CPS1: variants seen among roughly 807,000 people sequenced by gnomAD.
CPS1 encodes the protein carbamoyl-phosphate synthase [ammonia], mitochondrial.
A neutral mutation model predicts 174.6 loss-of-function variants in CPS1; 109 were observed. The ratio of observed to expected loss-of-function variants is 0.62; its 90% CI spans 0.53 to 0.73. The LOEUF is 0.73. Ranked by LOEUF, CPS1 falls within the 30% of genes least tolerant of loss-of-function variation. The pLI is 0.00. For synonymous variants in CPS1, 637 were observed against 632.0 expected (o/e 1.01, Z -0.12); for missense variants, 1,689 against 1,821.9 (o/e 0.93, Z 1.33).
intron 21 of CPS1, among the ~76,000 whole-genome samples, chr2:210,622,519 T>A (rs1422423976): frequency 6.6e-6 from 1 of 151,650 alleles, no homozygotes; most frequent in African/African-American, 2.4e-5. Context: ...CAGTAGCCAA[T>A]AAAGGGGTGA....
intron 21 of CPS1, among the ~76,000 whole-genome samples, chr2:210,636,265 C>T (rs1305449613): frequency 6.6e-6 from 1 of 151,952 alleles, no homozygotes; most frequent in Non-Finnish European, 1.5e-5. Context: ...TTTTTGCATG[C>T]ATTTTGAAAT....
intron 1 of CPS1, among the ~76,000 whole-genome samples, chr2:210,495,691 A>G (rs1694975875): frequency 6.6e-6 from 1 of 152,180 alleles, no homozygotes; most frequent in East Asian, 1.9e-4. Context: ...TACTCTGGAG[A>G]ATATTCTTTT....
chr2:210,554,048 C>A (rs1355491271), upstream of CPS1, among the ~76,000 whole-genome samples: 1 of 149,324 alleles, frequency 6.7e-6, no homozygotes, highest in Non-Finnish European at 1.5e-5. Context: ...TGACTAAAGA[C>A]ATGGACCATA....
chr2:210,507,221 T>C (rs1338943054), intron 1 of CPS1, among the ~76,000 whole-genome samples: 1 of 152,214 alleles, frequency 6.6e-6, no homozygotes. Flanking sequence ...GGGGCCAATA[T>C]TCAACATTCT....
intron 34 of CPS1, chr2:210,673,792 A>G (rs1235112347): frequency 6.6e-6 from 1 of 152,216 alleles, no homozygotes; most frequent in Non-Finnish European, 1.5e-5. Context: ...ATACTAATGT[A>G]AGAACTGTTA....
At chr2:210,543,221 T>A (rs547516962) in intron 1 of CPS1, among the ~76,000 whole-genome samples, 1 of 152,170 alleles carries the variant, frequency 6.6e-6, no homozygotes, top group Non-Finnish European at 1.5e-5. Context: ...ATACAGCAAT[T>A]AATCTATTTC....
chr2:210,527,541 T>C (rs1696006538), intron 1 of CPS1, among the ~76,000 whole-genome samples: 1 of 151,948 alleles, frequency 6.6e-6, no homozygotes, highest in Non-Finnish European at 1.5e-5. Context: ...CCTGGGGCCA[T>C]CTTTCAGGTC....
At chr2:210,614,917 G>T (rs1270795080) in intron 20 of CPS1, among the ~76,000 whole-genome samples, 4 of 151,918 alleles carry the variant, frequency 2.6e-5, no homozygotes, top group African/African-American at 9.6e-5. Flanking sequence ...ATAGCACTAG[G>T]AGAAATACCT....
At chr2:210,491,449 G>A (rs952757956) in intron 1 of CPS1, among the ~76,000 whole-genome samples, 2 of 150,382 alleles carry the variant, frequency 1.3e-5, no homozygotes, top group Non-Finnish European at 3.0e-5. Flanking sequence ...AAGTAGCTGG[G>A]ACTACAGGCA....
intron 1 of CPS1, among the ~76,000 whole-genome samples, chr2:210,567,425 T>A (rs530382725): frequency 4.9e-4 from 75 of 152,206 alleles, no homozygotes; most frequent in Non-Finnish European, 9.0e-4. Flanking sequence ...TATAGAAATG[T>A]AATATTGTAA....
At position 210,610,285 on chromosome 2, in the gene CPS1, G is replaced by A. The variant is rs186103541; in HGVS notation, c.2391+1726G>A. Among the ~76,000 whole-genome samples the A allele has an allele frequency of 1.8e-3, 278 of 151,940 alleles. 1 individual carries two copies. Among genetic ancestry groups the A allele is most frequent in the Non-Finnish European group, 2.7e-3 (180 of 67,894 alleles). On this transcript the variant is annotated intron_variant, in intron 19 of 37. Transcript: ENST00000233072. Reference sequence around the variant, plus strand: ...TTTTCATTTGGGGCTTCTTATCTGAGGGATTTTGTTGTCAAACAAAAAATA... The same window carrying A: ...TTTTCATTTGGGGCTTCTTATCTGAAGGATTTTGTTGTCAAACAAAAAATA...
chr2:210,664,887 C>A (rs1321032665), intron 33 of CPS1, among the ~76,000 whole-genome samples: 2 of 152,118 alleles, frequency 1.3e-5, no homozygotes, highest in Non-Finnish European at 2.9e-5. Context: ...AATTATGCTT[C>A]AAAGAGACAT....
At chr2:210,563,257 A>G (rs1349444959) in intron 1 of CPS1, among the ~76,000 whole-genome samples, 4 of 152,150 alleles carry the variant, frequency 2.6e-5, no homozygotes, top group African/African-American at 9.6e-5. Context: ...ACTGAATGTT[A>G]TGGCAATACG....
intron 1 of CPS1, among the ~76,000 whole-genome samples, chr2:210,526,209 A>G (rs1488996201): frequency 6.6e-6 from 1 of 151,868 alleles, no homozygotes; most frequent in Non-Finnish European, 1.5e-5. Flanking sequence ...AGGGAGGGGA[A>G]CATCTCACAA....
chr2:210,660,381 G>A, intron 31 of CPS1, 104 bp from the exon 32 acceptor site: 1 of 1,135,158 alleles, frequency 8.8e-7, no homozygotes, highest in Non-Finnish European at 1.3e-6. Flanking sequence ...ACAAGAGCTG[G>A]TCCCCAGTTA....
chr2:210,640,887 T>G (rs996920138), intron 24 of CPS1, among the ~76,000 whole-genome samples: 5 of 152,200 alleles, frequency 3.3e-5, no homozygotes, highest in African/African-American at 1.2e-4. Context: ...CTTAGTCCAT[T>G]TGTGCTGCTG....
intron 9 of CPS1, among the ~76,000 whole-genome samples, chr2:210,591,546 G>T (rs921737867): frequency 3.3e-5 from 5 of 151,914 alleles, no homozygotes; most frequent in African/African-American, 1.2e-4. Flanking sequence ...TTAAGCCGGT[G>T]AGCAACCCTT....
intron 1 of CPS1, among the ~76,000 whole-genome samples, chr2:210,511,177 T>C (rs1385947808): frequency 1.3e-5 from 2 of 152,174 alleles, no homozygotes; most frequent in African/African-American, 4.8e-5. Context: ...GTGGCACATA[T>C]ACACCATGGA....
At chr2:210,479,951 G>A (rs776378934) in intron 1 of CPS1, among the ~76,000 whole-genome samples, 20 of 152,268 alleles carry the variant, frequency 1.3e-4, no homozygotes, top group Non-Finnish European at 2.4e-4. Context: ...ACTATATTCT[G>A]AGGGCATTTT....
Sources: gnomAD v4.1 joint callset for allele counts (sites outside exome capture counted in the v4.1 genomes callset) on GRCh38, gnomAD v4.1.1 for gene constraint, MANE v1.5 for transcripts, NCBI Gene and HGNC (gene_info 2026-07-23, HGNC 2026-07-21) for gene names.